The following NEGR1 variants were observed in gnomAD, a reference collection of about 807,000 sequenced individuals.
NEGR1 encodes the protein neuronal growth regulator 1, also known as IgLON family member 4.
NEGR1 carries 10 observed loss-of-function variants against 40.9 expected under a neutral mutation model. The ratio of observed to expected loss-of-function variants is 0.24; its 90% CI spans 0.15 to 0.42. The LOEUF is 0.42. Among genes scored for constraint, NEGR1 ranks in the 10% least tolerant of loss-of-function variants. The probability of loss-of-function intolerance (pLI) is 1.00; values close to 1 mark genes in which losing one functional copy is unlikely to be tolerated. For synonymous variants in NEGR1, 185 were observed against 166.8 expected (o/e 1.11, Z -0.84); for missense variants, 352 against 438.9 (o/e 0.80, Z 1.77).
chr1:72,175,314 A>G (rs989735614), intron 1 of NEGR1, among the ~76,000 whole-genome samples: 1 of 152,154 alleles, frequency 6.6e-6, no homozygotes, highest in Non-Finnish European at 1.5e-5. Flanking sequence ...CAAATTTTCC[A>G]GAAGCTATCA....
chr1:71,899,462 G>T (rs1357383755), intron 2 of NEGR1, among the ~76,000 whole-genome samples: 1 of 151,822 alleles, frequency 6.6e-6, no homozygotes, highest in Non-Finnish European at 1.5e-5. Flanking sequence ...TCTGAGCTGG[G>T]GTATTATCAC....
chr1:71,632,064 A>C (rs1379229912), intron 4 of NEGR1, among the ~76,000 whole-genome samples: 2 of 151,730 alleles, frequency 1.3e-5, no homozygotes, highest in Non-Finnish European at 3.0e-5. Flanking sequence ...AAAAATGAGT[A>C]CAAGGAAGGT....
intron 1 of NEGR1, among the ~76,000 whole-genome samples, chr1:71,944,155 T>C (rs1570537758): frequency 6.6e-6 from 1 of 152,198 alleles, no homozygotes; most frequent in African/African-American, 2.4e-5. Flanking sequence ...AACTGGCAGG[T>C]GCTCTGAACC....
At chr1:71,581,881 T>C (rs1649149700) in intron 6 of NEGR1, among the ~76,000 whole-genome samples, 1 of 152,004 alleles carries the variant, frequency 6.6e-6, no homozygotes, top group Non-Finnish European at 1.5e-5. Flanking sequence ...TTTGTGTATT[T>C]TTTGTAGAGA....
rs566413262 is a variant in NEGR1 at position 71,685,144 on chromosome 1, T to G, written c.667+12864A>C. ...ACATTACTGATGTTTTCATTTACTT[T>G]TCGCTTTTTGTGCGTGTTTCAATTT... On this transcript the variant is annotated intron_variant, in intron 4 of 6. Transcript: ENST00000357731. 5.9e-5 allele frequency among the ~76,000 whole-genome samples: 9 copies of G among 152,268 alleles called. No homozygotes were observed. The South Asian group carries it at 1.9e-3, about 32-fold the overall frequency.
intron 2 of NEGR1, among the ~76,000 whole-genome samples, chr1:71,880,176 T>C (rs1449076990): frequency 2.0e-5 from 3 of 152,048 alleles, no homozygotes; most frequent in East Asian, 1.9e-4. Context: ...GGCATCATGG[T>C]GGAAAGTTTT....
chr1:72,141,104 T>C (rs1650661229), intron 1 of NEGR1, among the ~76,000 whole-genome samples: 2 of 151,838 alleles, frequency 1.3e-5, no homozygotes. Flanking sequence ...AGATTAAGAA[T>C]GGTATATGAG....
chr1:72,245,371 T>C (rs1055404100), intron 1 of NEGR1, among the ~76,000 whole-genome samples: 4 of 152,100 alleles, frequency 2.6e-5, no homozygotes, highest in African/African-American at 9.6e-5. Context: ...TATAATACTA[T>C]TTCTATTGAA....
Position 71,718,772 on chromosome 1 carries a change from T to A in NEGR1, c.536-20633A>T, listed in dbSNP as rs573724666. 6.6e-5 allele frequency among the ~76,000 whole-genome samples: 10 copies of A among 152,316 alleles called. 1 individual carries two copies. The South Asian group carries it at 2.1e-3, about 32-fold the overall frequency. ...AAAAATTACAACATGTAAAAAATAA[T>A]CAAATCAGTAATTCCATTTCTGCTT... On this transcript the variant is annotated intron_variant, in intron 3 of 6. Coordinates refer to ENST00000357731, the MANE Select transcript of NEGR1 (RefSeq NM_173808.3).
At chr1:72,004,831 C>T (rs12047266) in intron 1 of NEGR1, among the ~76,000 whole-genome samples, 20,777 of 152,106 alleles carry the variant, frequency 0.14, 1,895 homozygotes, top group East Asian at 0.42. Context: ...GAGATTCAGG[C>T]TTCATTAGCC....
chr1:71,699,116 G>A (rs1455327515), intron 3 of NEGR1, among the ~76,000 whole-genome samples: 1 of 151,812 alleles, frequency 6.6e-6, no homozygotes, highest in African/African-American at 2.4e-5. Flanking sequence ...TAAATTGTTT[G>A]TTTTCAAAAG....
At chr1:72,105,095 G>C (rs1649086056) in intron 1 of NEGR1, among the ~76,000 whole-genome samples, 1 of 152,068 alleles carries the variant, frequency 6.6e-6, no homozygotes, top group South Asian at 2.1e-4. Flanking sequence ...TGTCTGATCT[G>C]TCTTTAGTTT....
At chr1:71,704,378 C>A (rs1358095906) in intron 3 of NEGR1, among the ~76,000 whole-genome samples, 2 of 151,810 alleles carry the variant, frequency 1.3e-5, no homozygotes, top group Non-Finnish European at 2.9e-5. Flanking sequence ...TAAAAGATCA[C>A]TAAAATGGAT....
At chr1:71,936,326 T>A (rs1264963518) in intron 1 of NEGR1, among the ~76,000 whole-genome samples, 1 of 152,222 alleles carries the variant, frequency 6.6e-6, no homozygotes, top group African/African-American at 2.4e-5. Context: ...CAAACATTTA[T>A]AAGATATCTA....
At chr1:71,746,313 T>C (rs1655380188) in intron 3 of NEGR1, among the ~76,000 whole-genome samples, 1 of 152,206 alleles carries the variant, frequency 6.6e-6, no homozygotes, top group South Asian at 2.1e-4. Flanking sequence ...ATTAAATCTG[T>C]TGTTTAAGGC....
intron 1 of NEGR1, among the ~76,000 whole-genome samples, chr1:72,129,385 A>G (rs1650155215): frequency 6.6e-6 from 1 of 152,198 alleles, no homozygotes; most frequent in African/African-American, 2.4e-5. Flanking sequence ...AACCTAGAGC[A>G]AAATAAAAGA....
intron 4 of NEGR1, among the ~76,000 whole-genome samples, chr1:71,670,607 A>G (rs1652388194): frequency 6.6e-6 from 1 of 151,972 alleles, no homozygotes; most frequent in Admixed American, 6.6e-5. Context: ...TCCACACACA[A>G]TTTCAGCTCA....
chr1:71,717,373 A>G (rs949580898), intron 3 of NEGR1, among the ~76,000 whole-genome samples: 2 of 152,184 alleles, frequency 1.3e-5, no homozygotes, highest in African/African-American at 4.8e-5. Context: ...ACATTTACAC[A>G]ATAAGAATTC....
In NEGR1 at chr1:71,819,358, C is replaced by G. The variant is rs1430631104; in HGVS notation, c.410-43061G>C. ...GATTGCATAGAAAGAAAAGTAGTAA[C>G]ATAAAAATAAATGCCACTATAGACC... On this transcript the variant is annotated intron_variant, in intron 2 of 6. Transcript: ENST00000357731. 1.1e-4 allele frequency among the ~76,000 whole-genome samples: 16 copies of G among 151,768 alleles called. No individual in the cohort carries two copies. The Admixed American group carries it at 1.1e-3, about 10-fold the overall frequency.
Sources: gnomAD v4.1 joint callset for allele counts (sites outside exome capture counted in the v4.1 genomes callset) on GRCh38, gnomAD v4.1.1 for gene constraint, MANE v1.5 for transcripts, NCBI Gene and HGNC (gene_info 2026-07-23, HGNC 2026-07-21) for gene names.